Variants in MTA3 observed in about 807,000 individuals in gnomAD.
The protein encoded by MTA3 is metastasis-associated protein MTA3.
MTA3 carries 34 observed loss-of-function variants against 83.5 expected under a neutral mutation model. The observed-to-expected ratio is 0.41, with a 90% confidence interval of 0.31 to 0.54. The LOEUF (loss-of-function observed/expected upper bound fraction) is 0.54. MTA3 is among the 20% of genes least tolerant of loss of function. The pLI is 0.33. For missense variants in MTA3, 761 were observed against 726.4 expected (o/e 1.05, Z -0.55); for synonymous variants, 303 against 252.7 (o/e 1.20, Z -1.89).
intron 3 of MTA3, among the ~76,000 whole-genome samples, chr2:42,609,078 C>T (rs1489454572): frequency 7.0e-6 from 1 of 143,320 alleles, no homozygotes; most frequent in African/African-American, 2.6e-5. Context: ...TTCACTCAGG[C>T]TGGTGTGAAG....
intron 2 of MTA3, among the ~76,000 whole-genome samples, chr2:42,544,895 T>C (rs1676688935): frequency 6.6e-6 from 1 of 152,184 alleles, no homozygotes; most frequent in African/African-American, 2.4e-5. Flanking sequence ...CTGTCTAGAA[T>C]TTTTGTTAAC....
intron 4 of MTA3, among the ~76,000 whole-genome samples, chr2:42,625,093 G>A (rs942889717): frequency 3.9e-5 from 6 of 151,966 alleles, no homozygotes; most frequent in South Asian, 2.1e-4. Context: ...GTGCAGTGGC[G>A]CCATCTCGGC....
At chr2:42,739,340 C>T (rs1028181063) in intron 16 of MTA3, among the ~76,000 whole-genome samples, 1 of 151,782 alleles carries the variant, frequency 6.6e-6, no homozygotes, top group Non-Finnish European at 1.5e-5. Context: ...CAAAAACAAA[C>T]AGACAATAAT....
intron 12 of MTA3, among the ~76,000 whole-genome samples, chr2:42,704,523 G>A (rs540603903): frequency 6.6e-6 from 1 of 152,324 alleles, no homozygotes; most frequent in South Asian, 2.1e-4. Context: ...ACACACTCAA[G>A]TTAGGCATTG....
chr2:42,569,612 A>G (rs1206838022), intron 1 of MTA3: 2 of 152,228 alleles, frequency 1.3e-5, no homozygotes, highest in Non-Finnish European at 2.9e-5. Flanking sequence ...ACTTTGCAGA[A>G]GAGAGCGGCG....
At chr2:42,602,849 C>T (rs1037667751) in intron 3 of MTA3, among the ~76,000 whole-genome samples, 1 of 152,162 alleles carries the variant, frequency 6.6e-6, no homozygotes, top group Non-Finnish European at 1.5e-5. Context: ...AAGACAGGGG[C>T]CCAGCCATCC....
At chr2:42,554,917 G>A (rs1213320501) in intron 2 of MTA3, among the ~76,000 whole-genome samples, 3 of 152,178 alleles carry the variant, frequency 2.0e-5, no homozygotes, top group African/African-American at 7.2e-5. Flanking sequence ...TTGGGAGGCT[G>A]AGGCTTGAGG....
chr2:42,574,179 G>T (rs1310310634), intron 2 of MTA3, among the ~76,000 whole-genome samples: 1 of 145,770 alleles, frequency 6.9e-6, no homozygotes, highest in African/African-American at 2.6e-5. Flanking sequence ...TTCTTGCCCA[G>T]GCTGGAGTAC....
chr2:42,669,021 A>G (rs1001712686), intron 8 of MTA3, among the ~76,000 whole-genome samples: 10 of 151,812 alleles, frequency 6.6e-5, no homozygotes, highest in Non-Finnish European at 1.2e-4. Context: ...GTCTTGTTTC[A>G]TTTAGGGCCT....
chr2:42,554,614 A>C (rs1163622749), intron 2 of MTA3, among the ~76,000 whole-genome samples: 1 of 152,254 alleles, frequency 6.6e-6, no homozygotes, highest in African/African-American at 2.4e-5. Flanking sequence ...GGGAAAAAAA[A>C]CAGCAGGGAA....
intron 2 of MTA3, among the ~76,000 whole-genome samples, chr2:42,552,372 G>C (rs924774069): frequency 6.6e-6 from 1 of 152,146 alleles, no homozygotes; most frequent in Non-Finnish European, 1.5e-5. Flanking sequence ...AAGTGAATCT[G>C]AGCTCATCAG....
intron 3 of MTA3, among the ~76,000 whole-genome samples, chr2:42,595,696 G>A (rs764301531): frequency 2.6e-5 from 4 of 151,926 alleles, no homozygotes; most frequent in East Asian, 1.9e-4. Flanking sequence ...TTAAGTAAAC[G>A]GTATTTGGGT....
intron 2 of MTA3, among the ~76,000 whole-genome samples, chr2:42,578,868 CAGTTT>C (rs1297150403): frequency 2.0e-5 from 3 of 152,062 alleles, no homozygotes; most frequent in African/African-American, 4.8e-5. Context: ...GCAGTCTAAT[CAGTTT>C]AGTTTAATTA....
chr2:42,701,262 A>G (rs1270903770), intron 11 of MTA3, among the ~76,000 whole-genome samples: 1 of 141,046 alleles, frequency 7.1e-6, no homozygotes, highest in Non-Finnish European at 1.5e-5. Flanking sequence ...TGGTCATGCC[A>G]CTGCACTCCA....
intron 9 of MTA3, among the ~76,000 whole-genome samples, chr2:42,689,181 A>G (rs1016616588): frequency 6.6e-6 from 1 of 152,210 alleles, no homozygotes; most frequent in East Asian, 1.9e-4. Context: ...CTGGCTATCA[A>G]TTCCACTTGG....
At chr2:42,691,866 A>G (rs550082917) in intron 9 of MTA3, among the ~76,000 whole-genome samples, 3 of 152,176 alleles carry the variant, frequency 2.0e-5, no homozygotes, top group Non-Finnish European at 4.4e-5. Context: ...TAAGGTTTCC[A>G]TTGAGAAGTC....
intron 8 of MTA3, among the ~76,000 whole-genome samples, chr2:42,667,632 A>T (rs1240903302): frequency 2.9e-4 from 37 of 125,774 alleles, no homozygotes; most frequent in Middle Eastern, 4.2e-3. Context: ...AGAGAGAGAG[A>T]GAGAGAGAGA....
rs35686153 is a variant in MTA3 at position 42,553,423 on chromosome 2, C to CAA, written c.-140-17000_-140-16999dup. Among the ~76,000 whole-genome samples the CAA allele has an allele frequency of 1.7e-3, 208 of 122,458 alleles. 1 individual carries two copies. Among genetic ancestry groups the CAA allele is most frequent in the Middle Eastern group, 0.012 (2 of 166 alleles). The allele number at this position is 122,458 out of a possible 152,430, so 80.3% of individuals were successfully genotyped here. ...TGGGCGAGAGAGCGAGACTCCATCT[C>CAA]AAAAAAAAAAAAAAATTAGGCTGGG... is the stretch of plus-strand genomic sequence containing the variant. On this transcript the variant is annotated intron_variant, in intron 2 of 17. Transcript: ENST00000405592.
chr2:42,612,959 A>G (rs984235689), intron 4 of MTA3, among the ~76,000 whole-genome samples: 2 of 152,228 alleles, frequency 1.3e-5, no homozygotes, highest in Non-Finnish European at 1.5e-5. Context: ...TTAAAAATGT[A>G]TCTAAAAGAC....
Sources: allele counts gnomAD v4.1 joint callset (sites outside exome capture counted in the v4.1 genomes callset), GRCh38; gene constraint gnomAD v4.1.1; transcripts MANE v1.5; gene names NCBI Gene and HGNC (gene_info 2026-07-23, HGNC 2026-07-21).